The following PHKB variants were observed in gnomAD, a reference collection of about 807,000 sequenced individuals.
PHKB encodes phosphorylase b kinase regulatory subunit beta.
A neutral mutation model predicts 152.1 loss-of-function variants in PHKB; 122 were observed. That is an observed-to-expected ratio of 0.80 (90% CI 0.69 to 0.93). PHKB has a LOEUF of 0.93. PHKB is among the 40% of genes least tolerant of loss of function. The probability of loss-of-function intolerance (pLI) is 0.00; values close to 1 mark genes in which losing one functional copy is unlikely to be tolerated. For synonymous variants in PHKB, 436 were observed against 464.9 expected (o/e 0.94, Z 0.80); for missense variants, 1,304 against 1,328.4 (o/e 0.98, Z 0.29).
rs575331685 is a variant in PHKB, at chr16:47,494,277, A to C, written c.77-3122A>C. ...AGCCTAAATCTATGTGGAAGCATAGATAGAAGCTGCCCTGAATATATCTTC... is the reference window on the plus strand; with the variant it reads ...AGCCTAAATCTATGTGGAAGCATAGCTAGAAGCTGCCCTGAATATATCTTC... On this transcript the variant is annotated intron_variant, in intron 1 of 30. Coordinates refer to ENST00000323584, the MANE Select transcript of PHKB (RefSeq NM_000293.3). Among the ~76,000 whole-genome samples the C allele has an allele frequency of 3.9e-5, 6 of 152,360 alleles. No homozygotes were observed. In the South Asian group the frequency reaches 1.2e-3, roughly 32 times the overall value.
intron 7 of PHKB, among the ~76,000 whole-genome samples, chr16:47,559,728 C>T (rs965602908): frequency 3.9e-5 from 6 of 152,148 alleles, no homozygotes; most frequent in Non-Finnish European, 7.3e-5. Flanking sequence ...GACCTAGACT[C>T]AGAAGTCATG....
At chr16:47,505,628 T>A (rs1970402812) in intron 4 of PHKB, 1 of 152,228 alleles carries the variant, frequency 6.6e-6, no homozygotes, top group Non-Finnish European at 1.5e-5. Context: ...CAGATGCGTT[T>A]CCAACTTCTG....
At chr16:47,579,629 C>G (rs1393498495) in intron 7 of PHKB, among the ~76,000 whole-genome samples, 3 of 152,010 alleles carry the variant, frequency 2.0e-5, no homozygotes, top group Admixed American at 6.6e-5. Flanking sequence ...AAGATGATAT[C>G]ATATTTTTAA....
rs377469699 is a variant in PHKB at position 47,526,340 on chromosome 16, G to A, written c.594+10739G>A. 3.3e-5 allele frequency among the ~76,000 whole-genome samples: 5 copies of A among 152,164 alleles called. No homozygotes were observed. In the South Asian group the frequency reaches 8.3e-4, roughly 25 times the overall value. ...AGGGAGAATTGCTTGAATCCGAGAGGCAGAGTTTGCAGTGAGCCGAGATCG... is the reference window on the plus strand; with the variant it reads ...AGGGAGAATTGCTTGAATCCGAGAGACAGAGTTTGCAGTGAGCCGAGATCG... On this transcript the variant is annotated intron_variant, in intron 6 of 30. Coordinates refer to ENST00000323584, the MANE Select transcript of PHKB (RefSeq NM_000293.3).
chr16:47,589,827 C>T (rs1457208962), intron 10 of PHKB, among the ~76,000 whole-genome samples: 1 of 152,188 alleles, frequency 6.6e-6, no homozygotes, highest in Non-Finnish European at 1.5e-5. Context: ...CTCTGTTGCC[C>T]AGGCTGGAGA....
rs146615003 is a variant in PHKB at position 47,605,217 on chromosome 16, G to C, written c.1364-5609G>C. On this transcript the variant is annotated intron_variant, in intron 13 of 30. Transcript: ENST00000323584. ...TAGTAAGTGTATTGAGTGCCTACTAGGTGCTGGTGGCTCTGCTAGGTACTG... is the reference window on the plus strand; with the variant it reads ...TAGTAAGTGTATTGAGTGCCTACTACGTGCTGGTGGCTCTGCTAGGTACTG... Among the ~76,000 whole-genome samples the C allele has an allele frequency of 3.7e-4, 57 of 152,286 alleles. No homozygotes were observed. In the East Asian group the frequency reaches 9.7e-3, roughly 26 times the overall value.
intron 26 of PHKB, among the ~76,000 whole-genome samples, chr16:47,683,701 C>T (rs951293313): frequency 2.6e-5 from 4 of 152,194 alleles, no homozygotes; most frequent in African/African-American, 9.7e-5. Flanking sequence ...TCCCTGACCC[C>T]TTGTGCTTCT....
chr16:47,641,241 A>G, intron 15 of PHKB, 151 bp downstream of exon 15: 2 of 717,670 alleles, frequency 2.8e-6, no homozygotes, highest in Non-Finnish European at 5.0e-6. Flanking sequence ...ATATCACTTT[A>G]AATGACCAGC....
intron 6 of PHKB, among the ~76,000 whole-genome samples, chr16:47,541,354 C>T (rs1262476494): frequency 3.3e-5 from 5 of 152,168 alleles, no homozygotes; most frequent in African/African-American, 1.2e-4. Context: ...GCATAGTATT[C>T]CATGGTGTAT....
At chr16:47,607,548 T>C (rs1972348840) in intron 13 of PHKB, among the ~76,000 whole-genome samples, 1 of 152,250 alleles carries the variant, frequency 6.6e-6, no homozygotes, top group African/African-American at 2.4e-5. Flanking sequence ...TATTCCATTG[T>C]ATATATACAT....
At chr16:47,506,923 G>A (rs890709321) in intron 4 of PHKB, among the ~76,000 whole-genome samples, 4 of 152,178 alleles carry the variant, frequency 2.6e-5, no homozygotes, top group Non-Finnish European at 1.5e-5. Context: ...TGACAAGCTT[G>A]GATTAAGGTT....
At chr16:47,679,541 G>A (rs1973807073) in intron 26 of PHKB, among the ~76,000 whole-genome samples, 1 of 152,206 alleles carries the variant, frequency 6.6e-6, no homozygotes. Context: ...AATTGTGAAT[G>A]GGAGTTCACT....
intron 14 of PHKB, among the ~76,000 whole-genome samples, chr16:47,611,124 T>G (rs1972420623): frequency 6.6e-6 from 1 of 152,230 alleles, no homozygotes; most frequent in Admixed American, 6.5e-5. Context: ...ACAAAGTGCC[T>G]TGCAGGTAAA....
At chr16:47,693,273 C>CT in intron 27 of PHKB, 105 bp from the exon 28 acceptor site, 4 of 1,161,500 alleles carry the variant, frequency 3.4e-6, no homozygotes. Context: ...TGGGCTTTGG[C>CT]TTTTATTTCT....
chr16:47,579,046 G>T (rs775531360), intron 7 of PHKB, among the ~76,000 whole-genome samples: 1 of 151,924 alleles, frequency 6.6e-6, no homozygotes, highest in Non-Finnish European at 1.5e-5. Flanking sequence ...CCATAGTGTC[G>T]TTCATAGAGT....
chr16:47,540,575 C>G (rs548609285), intron 6 of PHKB, among the ~76,000 whole-genome samples: 1 of 152,158 alleles, frequency 6.6e-6, no homozygotes, highest in African/African-American at 2.4e-5. Context: ...GGCGGCCCAG[C>G]TGTAAAATTC....
chr16:47,515,737 T>A, intron 6 of PHKB, 136 bp downstream of exon 6: 1 of 654,624 alleles, frequency 1.5e-6, no homozygotes, highest in South Asian at 1.7e-5. Flanking sequence ...TAGTAGATGT[T>A]GGTTGTTGAA....
intron 1 of PHKB, among the ~76,000 whole-genome samples, chr16:47,475,114 G>A (rs1488033647): frequency 6.6e-6 from 1 of 152,094 alleles, no homozygotes; most frequent in Admixed American, 6.5e-5. Context: ...TCTGATTTAG[G>A]ATGATTTCAG....
chr16:47,574,593 G>A (rs1463805622), intron 7 of PHKB, among the ~76,000 whole-genome samples: 4 of 152,222 alleles, frequency 2.6e-5, no homozygotes, highest in Non-Finnish European at 5.9e-5. Flanking sequence ...TTTGCAGGCT[G>A]TATATACAAG....
Sources: allele counts gnomAD v4.1 joint callset (sites outside exome capture counted in the v4.1 genomes callset), GRCh38; gene constraint gnomAD v4.1.1; transcripts MANE v1.5; gene names NCBI Gene and HGNC (gene_info 2026-07-23, HGNC 2026-07-21).